Variants in VWA8 observed in about 807,000 individuals in gnomAD.
VWA8 encodes the protein von Willebrand factor A domain-containing protein 8.
VWA8 carries 221 observed loss-of-function variants against 241.5 expected under a neutral mutation model. That is an observed-to-expected ratio of 0.91 (90% CI 0.82 to 1.02). The LOEUF is 1.02. VWA8 is among the 50% of genes least tolerant of loss of function. The pLI is 0.00. For synonymous variants in VWA8, 852 were observed against 827.1 expected, an observed-to-expected ratio of 1.03 and a Z score of -0.52; for missense variants, 2,322 against 2,328.7, an observed-to-expected ratio of 1.00 and a Z score of 0.06.
At chr13:41,743,903 G>A (rs775093494) in intron 21 of VWA8, among the ~76,000 whole-genome samples, 4 of 152,126 alleles carry the variant, frequency 2.6e-5, no homozygotes, top group African/African-American at 4.8e-5. Context: ...ACCACCAAAT[G>A]CAACTATACC....
chr13:41,960,454 C>T (rs182305020), intron 1 of VWA8, among the ~76,000 whole-genome samples: 9 of 152,348 alleles, frequency 5.9e-5, no homozygotes, highest in African/African-American at 2.2e-4. Context: ...CACAGACCGG[C>T]TTCCAGGCCC....
intron 21 of VWA8, among the ~76,000 whole-genome samples, chr13:41,736,735 GCCTATAGGAATGGT>G (rs1396905926): frequency 1.3e-5 from 2 of 151,794 alleles, no homozygotes; most frequent in Admixed American, 6.6e-5. Context: ...AAACAGAAAT[GCCTATAGGAATGGT>G]CCACGCAATA....
Position 41,888,614 on chromosome 13 carries a change from T to A in VWA8, c.652-1253A>T, listed in dbSNP as rs912736859. Among the ~76,000 whole-genome samples, 3 of 152,328 alleles carry A rather than the reference T, an allele frequency of 2.0e-5. No individual in the cohort carries two copies. In the East Asian group the frequency reaches 5.8e-4, roughly 29 times the overall value. On this transcript the variant is annotated intron_variant, in intron 5 of 44. Coordinates refer to ENST00000379310, the MANE Select transcript of VWA8 (RefSeq NM_015058.2). ...CAGCACAAAAAACATCTTCATATCT[T>A]CATAAAACTCAGATCCCCTTCCCTC...
intron 2 of VWA8, among the ~76,000 whole-genome samples, chr13:41,941,586 G>A (rs757009261): frequency 1.3e-5 from 2 of 152,096 alleles, no homozygotes; most frequent in East Asian, 3.8e-4. Context: ...TTAAGAACAA[G>A]ACTAAATGAA....
intron 26 of VWA8, among the ~76,000 whole-genome samples, chr13:41,715,193 G>A (rs900678838): frequency 9.9e-5 from 15 of 151,806 alleles, no homozygotes; most frequent in African/African-American, 2.9e-4. Context: ...TGTCTGGTAC[G>A]TAGTTATCTA....
intron 42 of VWA8, among the ~76,000 whole-genome samples, chr13:41,585,539 T>C (rs1463427830): frequency 2.6e-5 from 4 of 152,186 alleles, no homozygotes; most frequent in Non-Finnish European, 5.9e-5. Flanking sequence ...ATTTTAATGG[T>C]AGTACATTTG....
intron 38 of VWA8, among the ~76,000 whole-genome samples, chr13:41,613,893 T>C (rs138409247): frequency 1.4e-4 from 22 of 152,304 alleles, no homozygotes; most frequent in African/African-American, 5.3e-4. Flanking sequence ...CCAAGGAGCC[T>C]TGATCAATTG....
intron 2 of VWA8, among the ~76,000 whole-genome samples, chr13:41,930,035 T>C (rs1877031081): frequency 6.6e-6 from 1 of 152,204 alleles, no homozygotes; most frequent in Non-Finnish European, 1.5e-5. Context: ...TATAATTCAA[T>C]AGTAGAAAAA....
At chr13:41,573,780 G>A (rs2044331647) in intron 43 of VWA8, among the ~76,000 whole-genome samples, 1 of 151,658 alleles carries the variant, frequency 6.6e-6, no homozygotes, top group Non-Finnish European at 1.5e-5. Flanking sequence ...ACCATGCCCA[G>A]CTAATTTTTT....
chr13:41,928,306 C>T (rs943882047), intron 2 of VWA8, among the ~76,000 whole-genome samples: 1 of 152,128 alleles, frequency 6.6e-6, no homozygotes, highest in East Asian at 1.9e-4. Flanking sequence ...ACACATTTAT[C>T]TCTAGCATAC....
Position 41,895,628 on chromosome 13 carries a change from C to T in VWA8, c.484-4041G>A, listed in dbSNP as rs1875063218. Among the ~76,000 whole-genome samples the T allele has an allele frequency of 2.6e-5, 4 of 152,228 alleles. No homozygotes were observed. The South Asian group carries it at 8.3e-4, about 32-fold the overall frequency. On this transcript the variant is annotated intron_variant, in intron 4 of 44. Coordinates refer to ENST00000379310, the MANE Select transcript of VWA8 (RefSeq NM_015058.2). Reference sequence around the variant, plus strand: ...ATCATCAACTCAGCAATGAAACTAACCACCTGCCTAAAAATATCTGAAAAG... The same window carrying T: ...ATCATCAACTCAGCAATGAAACTAATCACCTGCCTAAAAATATCTGAAAAG...
In VWA8 at chr13:41,811,233, G is replaced by A; in HGVS notation, c.2055C>T (p.Cys685=). 2.5e-6 allele frequency: 4 copies of A among 1,602,452 alleles called. No homozygotes were observed. The highest frequency in any genetic ancestry group is 1.1e-5 in the South Asian group (1 of 90,214). ...AGAAAGAATATGTTTACCTGGAAAG[G>A]CAGGCTTTAGTAACAGCACTGTGAA... is the stretch of plus-strand genomic sequence containing the variant. ...ENLHSAVTKA[C]LSRFLPSLAR... is the part of the protein sequence containing the mutation. The change falls in exon 17 of 45, where the codon TGC becomes TGT. Residue 685 remains cysteine, a synonymous_variant. Coordinates refer to ENST00000379310, the MANE Select transcript of VWA8 (RefSeq NM_015058.2).
intron 1 of VWA8, among the ~76,000 whole-genome samples, chr13:41,956,754 A>G (rs562412256): frequency 7.9e-4 from 120 of 152,348 alleles, no homozygotes; most frequent in African/African-American, 2.8e-3. Flanking sequence ...CATTGTTTAT[A>G]TATTTTAGAC....
Position 41,721,452 on chromosome 13 carries a change from T to A in VWA8, c.2882A>T (p.Glu961Val). 6.2e-7 allele frequency: 1 copy of A among 1,613,824 alleles called. No homozygotes were observed. The highest frequency in any genetic ancestry group is 2.2e-5 in the East Asian group (1 of 44,874). ...ILQKLVAAFG[E>V]LRSLADQGII... The stretch of plus-strand genomic sequence containing the variant: ...CCCTTGGTCAGCCAAACTCCTCAGC[T>A]CTCCAAAGGCAGCCACAAGCTTCTG... Residue 961 changes from glutamate (E) to valine (V), a missense_variant, in exon 25 of 45, where the codon GAG becomes GTG. Transcript: ENST00000379310.
At chr13:41,866,199 A>C (rs553426964) in intron 10 of VWA8, among the ~76,000 whole-genome samples, 163 bp from the exon 11 acceptor site, 2 of 152,218 alleles carry the variant, frequency 1.3e-5, no homozygotes, top group South Asian at 4.1e-4. Flanking sequence ...ATACAAAAAA[A>C]TTAGCTGGGC....
In VWA8 at chr13:41,882,797, A is replaced by AGAGAGGGAGAGGGAGACCGTGGG. The variant is rs1555347349; in HGVS notation, c.1080+567_1080+589dup. Among the ~76,000 whole-genome samples the AGAGAGGGAGAGGGAGACCGTGGG allele has an allele frequency of 1.1e-3, 143 of 135,928 alleles. 1 individual carries two copies. In the East Asian group the frequency reaches 0.024, roughly 23 times the overall value. The allele number at this position is 135,928 out of a possible 152,430, so 89.2% of individuals were successfully genotyped here. A position where few individuals can be genotyped will look rare whatever the true frequency, so the allele number is the denominator to read the frequency against. ...TGGGCATCAGAGGGAGACCGTGGAA[A>AGAGAGGGAGAGGGAGACCGTGGG]GAGAGGGAGAGGGAGACCGTGGGGA... On this transcript the variant is annotated intron_variant, in intron 9 of 44. Coordinates refer to ENST00000379310, the MANE Select transcript of VWA8 (RefSeq NM_015058.2).
intron 1 of VWA8, among the ~76,000 whole-genome samples, chr13:41,959,606 C>CTTTTTTTTT (rs1168629617): frequency 0.19 from 14,971 of 79,052 alleles, 3,803 homozygotes; most frequent in East Asian, 0.41. Flanking sequence ...CCTAAATATG[C>CTTTTTTTTT]TTTTTTTTTT....
intron 4 of VWA8, among the ~76,000 whole-genome samples, chr13:41,907,224 TA>T (rs1451412285): frequency 6.6e-6 from 1 of 152,180 alleles, no homozygotes; most frequent in Non-Finnish European, 1.5e-5. Flanking sequence ...AAGTGACCTA[TA>T]GATTGAAAAT....
intron 40 of VWA8, among the ~76,000 whole-genome samples, chr13:41,600,083 A>G (rs2044511569): frequency 6.6e-6 from 1 of 152,164 alleles, no homozygotes; most frequent in Non-Finnish European, 1.5e-5. Context: ...GCAGTTACTC[A>G]TGAATAATGC....
Sources: allele counts gnomAD v4.1 joint callset (sites outside exome capture counted in the v4.1 genomes callset), GRCh38; gene constraint gnomAD v4.1.1; transcripts MANE v1.5; gene names NCBI Gene and HGNC (gene_info 2026-07-23, HGNC 2026-07-21).